Variants in B3GALT1 observed in about 807,000 individuals in gnomAD.
B3GALT1 encodes the protein UDP-Gal:betaGlcNAc beta 1,3-galactosyltransferase, polypeptide 1.
In B3GALT1, 10 loss-of-function variants were observed where a neutral mutation model predicts 23.2. The ratio of observed to expected loss-of-function variants is 0.43; its 90% confidence interval spans 0.27 to 0.73. The LOEUF is 0.73. B3GALT1 is among the 30% of genes least tolerant of loss of function. The pLI, the probability that B3GALT1 is intolerant of heterozygous loss-of-function variation, is 0.21. For synonymous variants in B3GALT1, 156 were observed against 141.5 expected (o/e 1.10, Z -0.73); for missense variants, 299 against 405.4 (o/e 0.74, Z 2.25).
chr2:167,532,627 A>C (rs1574122628), intron 2 of B3GALT1, among the ~76,000 whole-genome samples: 2 of 151,928 alleles, frequency 1.3e-5, no homozygotes, highest in African/African-American at 4.8e-5. Context: ...AAAAAAAATA[A>C]CGTTCATACT....
intron 2 of B3GALT1, among the ~76,000 whole-genome samples, chr2:167,525,897 A>G (rs1683211676): frequency 6.6e-6 from 1 of 152,020 alleles, no homozygotes; most frequent in African/African-American, 2.4e-5. Flanking sequence ...TTGAGATTAC[A>G]GGTGTGAGCC....
intron 1 of B3GALT1, among the ~76,000 whole-genome samples, chr2:167,448,383 A>T (rs1699036104): frequency 6.6e-6 from 1 of 151,724 alleles, no homozygotes; most frequent in South Asian, 2.1e-4. Context: ...GCTTTTTTTA[A>T]TATGTTTGTT....
At chr2:167,398,127 T>C (rs996147309) in intron 1 of B3GALT1, among the ~76,000 whole-genome samples, 4 of 152,132 alleles carry the variant, frequency 2.6e-5, no homozygotes, top group African/African-American at 9.7e-5. Flanking sequence ...TATAAATGCT[T>C]TATTCTTTAA....
intron 3 of B3GALT1, among the ~76,000 whole-genome samples, chr2:167,780,159 C>T (rs1035333218): frequency 3.9e-5 from 6 of 152,152 alleles, no homozygotes; most frequent in Non-Finnish European, 8.8e-5. Flanking sequence ...GACAGTGATT[C>T]AAGAGTTCAA....
intron 2 of B3GALT1, among the ~76,000 whole-genome samples, chr2:167,493,602 G>A (rs1288115022): frequency 6.6e-6 from 1 of 152,134 alleles, no homozygotes; most frequent in Non-Finnish European, 1.5e-5. Flanking sequence ...AGTCTCAACA[G>A]TGACAGAAAT....
At chr2:167,478,701 T>A (rs1041877606) in intron 1 of B3GALT1, among the ~76,000 whole-genome samples, 1 of 151,986 alleles carries the variant, frequency 6.6e-6, no homozygotes, top group East Asian at 1.9e-4. Flanking sequence ...TATCTCCTAA[T>A]GCTATTCGTC....
intron 2 of B3GALT1, among the ~76,000 whole-genome samples, chr2:167,579,058 C>T (rs1183652593): frequency 6.6e-6 from 1 of 152,058 alleles, no homozygotes; most frequent in Non-Finnish European, 1.5e-5. Flanking sequence ...AGCTTGCCCC[C>T]AGATAAAATG....
At chr2:167,677,438 AC>A (rs1686447880) in intron 3 of B3GALT1, among the ~76,000 whole-genome samples, 1 of 152,356 alleles carries the variant, frequency 6.6e-6, no homozygotes, top group East Asian at 1.9e-4. Context: ...TGGCGTAAGC[AC>A]CATCCCACTC....
chr2:167,381,198 G>C (rs1697843158), intron 1 of B3GALT1, among the ~76,000 whole-genome samples: 1 of 152,080 alleles, frequency 6.6e-6, no homozygotes, highest in African/African-American at 2.4e-5. Context: ...CTTCTGAGTA[G>C]TTGGAACTAC....
At chr2:167,555,551 T>A (rs1000699922) in intron 2 of B3GALT1, among the ~76,000 whole-genome samples, 2 of 152,170 alleles carry the variant, frequency 1.3e-5, no homozygotes, top group African/African-American at 4.8e-5. Context: ...TACACTGTTA[T>A]AAAAGCTGCT....
intron 3 of B3GALT1, among the ~76,000 whole-genome samples, chr2:167,672,605 A>G (rs78338047): frequency 0.013 from 2,054 of 152,214 alleles, 42 homozygotes; most frequent in African/African-American, 0.047. Context: ...CTTTAGACAA[A>G]AGTCTAATCC....
chr2:167,765,585 C>T (rs564521163), intron 3 of B3GALT1, among the ~76,000 whole-genome samples: 1 of 152,114 alleles, frequency 6.6e-6, no homozygotes. Context: ...TGCCTATTGG[C>T]CAAATGAACA....
Position 167,350,802 on chromosome 2 carries a change from C to T in B3GALT1, c.-511+57468C>T, listed in dbSNP as rs529368099. Among the ~76,000 whole-genome samples the T allele has an allele frequency of 3.3e-5, 5 of 152,328 alleles. No homozygotes were observed. The East Asian group carries it at 9.7e-4, about 29-fold the overall frequency. On this transcript the variant is annotated intron_variant, in intron 1 of 4. Coordinates refer to ENST00000392690, the MANE Select transcript of B3GALT1 (RefSeq NM_020981.4). The stretch of plus-strand genomic sequence containing the variant: ...GGAGCTGCATCTTGTGCCTACACTC[C>T]TTTCTCCTATGTCAGTGCTCTACCA...
At chr2:167,577,415 G>A (rs1227146) in intron 2 of B3GALT1, among the ~76,000 whole-genome samples, 3 of 151,812 alleles carry the variant, frequency 2.0e-5, no homozygotes, top group African/African-American at 7.2e-5. Flanking sequence ...GATAGGACTA[G>A]ATTAATAATG....
chr2:167,375,984 T>A (rs1697756496), intron 1 of B3GALT1, among the ~76,000 whole-genome samples: 1 of 152,204 alleles, frequency 6.6e-6, no homozygotes, highest in African/African-American at 2.4e-5. Flanking sequence ...CTTACTACTT[T>A]GAGGTATGTT....
chr2:167,384,972 C>CCCA (rs1455609298), intron 1 of B3GALT1, among the ~76,000 whole-genome samples: 1 of 152,006 alleles, frequency 6.6e-6, no homozygotes, highest in East Asian at 1.9e-4. Context: ...TCAGTCTCCT[C>CCCA]CCACCACCAC....
At chr2:167,392,525 A>G (rs1399371954) in intron 1 of B3GALT1, among the ~76,000 whole-genome samples, 2 of 152,188 alleles carry the variant, frequency 1.3e-5, no homozygotes, top group East Asian at 1.9e-4. Flanking sequence ...ATGCTAGGAA[A>G]GGTCAGAGTT....
intron 4 of B3GALT1, among the ~76,000 whole-genome samples, chr2:167,834,234 C>G (rs1049981985): frequency 6.6e-6 from 1 of 152,142 alleles, no homozygotes; most frequent in Non-Finnish European, 1.5e-5. Context: ...AGACTGGGTA[C>G]ATGTAACAGT....
intron 2 of B3GALT1, among the ~76,000 whole-genome samples, chr2:167,555,511 A>T (rs1683828902): frequency 6.6e-6 from 1 of 152,164 alleles, no homozygotes; most frequent in South Asian, 2.1e-4. Flanking sequence ...CCACATCTGG[A>T]GCTATCTTTT....
Sources: gnomAD v4.1 joint callset for allele counts (sites outside exome capture counted in the v4.1 genomes callset) on GRCh38, gnomAD v4.1.1 for gene constraint, MANE v1.5 for transcripts, NCBI Gene and HGNC (gene_info 2026-07-23, HGNC 2026-07-21) for gene names.